The following CMTM4 variants were observed in gnomAD, a reference collection of about 807,000 sequenced individuals.
CMTM4 encodes CKLF-like MARVEL transmembrane domain-containing protein 4.
A neutral mutation model predicts 19.0 loss-of-function variants in CMTM4; 8 were observed. The observed-to-expected ratio is 0.42, with a 90% CI of 0.25 to 0.76. The LOEUF is 0.76. CMTM4 is among the 30% of genes least tolerant of loss of function. The pLI is 0.27. For missense variants in CMTM4, 228 were observed against 290.2 expected (o/e 0.79, Z 1.56); for synonymous variants, 106 against 121.1 (o/e 0.88, Z 0.82).
chr16:66,663,377 AC>A (rs2016533037), intron 1 of CMTM4, among the ~76,000 whole-genome samples: 1 of 151,970 alleles, frequency 6.6e-6, no homozygotes, highest in African/African-American at 2.4e-5. Context: ...ATGGTGGTAT[AC>A]CCCTGCAGTC....
intron 1 of CMTM4, among the ~76,000 whole-genome samples, chr16:66,641,812 C>T (rs2016101092): frequency 6.6e-6 from 1 of 152,170 alleles, no homozygotes; most frequent in African/African-American, 2.4e-5. Flanking sequence ...AAGAAAATAA[C>T]ATGTTATAAC....
chr16:66,696,370 G>T lies in CMTM4; in HGVS notation c.156C>A (p.Gly52=). The T allele has an allele frequency of 7.0e-7, 1 of 1,424,800 alleles. No homozygotes were observed. Among genetic ancestry groups the T allele is most frequent in the African/African-American group, 1.5e-5 (1 of 66,882 alleles). 88.3% of individuals were successfully genotyped at this position (1,424,800 alleles called of 1,614,324 possible). Residue 52 remains glycine, a synonymous_variant, in exon 1 of 4, where the codon GGC becomes GGA. Coordinates refer to ENST00000394106, the MANE Select transcript of CMTM4 (RefSeq NM_181521.3). This position sits in a 1 kb window ranked among gnomAD's most constrained non-coding sequence, Gnocchi z 4.3. ...GLRCDPDYLR[G]ALGRLKVAQV... ...GGGCGACCTTGAGGCGGCCGAGCGC[G>T]CCGCGCAGGTAGTCGGGGTCGCAGC...
intron 1 of CMTM4, among the ~76,000 whole-genome samples, chr16:66,672,664 C>A (rs1298243992): frequency 6.6e-6 from 1 of 151,934 alleles, no homozygotes; most frequent in Non-Finnish European, 1.5e-5. Flanking sequence ...TCTCTGATTG[C>A]AGTGGTGCGA....
At chr16:66,675,960 C>T (rs147217681) in intron 1 of CMTM4, among the ~76,000 whole-genome samples, 4,767 of 151,960 alleles carry the variant, frequency 0.031, 107 homozygotes, top group Non-Finnish European at 0.05. Context: ...CCAGTCTCCT[C>T]GTACTCTTCC....
chr16:66,625,444 A>G (rs1020488356), intron 2 of CMTM4, among the ~76,000 whole-genome samples: 2 of 151,954 alleles, frequency 1.3e-5, no homozygotes, highest in African/African-American at 2.4e-5. Flanking sequence ...CAAAAAAAAA[A>G]AAAAAGAAAA....
chr16:66,635,065 G>C (rs916785018), intron 2 of CMTM4, among the ~76,000 whole-genome samples: 4 of 152,222 alleles, frequency 2.6e-5, no homozygotes, highest in African/African-American at 7.2e-5. Context: ...TGCTGACCTT[G>C]ACCTTGACCC....
intron 1 of CMTM4, among the ~76,000 whole-genome samples, chr16:66,643,988 A>C (rs1001153490): frequency 3.9e-5 from 6 of 152,162 alleles, no homozygotes; most frequent in African/African-American, 7.2e-5. Context: ...TCCTGACCCC[A>C]GGTGATCCAC....
Position 66,622,139 on chromosome 16 carries a change from C to G in CMTM4, c.546G>C (p.Gln182His), listed in dbSNP as rs779811765. ...VQKWRVSVRQ[Q>H]STNDYIRART... is the part of the protein sequence containing the mutation. ...GGGCTCGGATGTAGTCATTGGTGCT[C>G]TGCTGGCGGACGCTGACTCTCCATT... The change falls in exon 4 of 4, where the codon CAG becomes CAC. Residue 182 changes from glutamine to histidine, a missense_variant. Physicochemically the swap from Gln to His is conservative, Grantham distance 24 (BLOSUM62 0). Around this residue, in one of 3 missense-constraint regions of CMTM4, gnomAD observed 200 missense variants for 226.6 expected, o/e 0.88. Coordinates refer to ENST00000394106, the MANE Select transcript of CMTM4 (RefSeq NM_181521.3). This position sits in a 1 kb window ranked among gnomAD's most constrained non-coding sequence, Gnocchi z 4.0. 1.2e-6 allele frequency: 2 copies of G among 1,612,768 alleles called. No individual in the cohort carries two copies. Among genetic ancestry groups the G allele is most frequent in the African/African-American group, 2.7e-5 (2 of 74,918 alleles).
At chr16:66,630,751 G>A (rs1475888397) in intron 2 of CMTM4, among the ~76,000 whole-genome samples, 6 of 151,690 alleles carry the variant, frequency 4.0e-5, no homozygotes, top group Non-Finnish European at 5.9e-5. Flanking sequence ...GCCTCTGCCC[G>A]GCCGCCCATC....
At chr16:66,613,538 T>C (rs370967832), downstream of CMTM4, 208 of 177,452 alleles carry the variant, frequency 1.2e-3, no homozygotes, top group Admixed American at 2.5e-3. Flanking sequence ...TAACGATTTA[T>C]ACTGTGTATC....
chr16:66,606,680 A>G, the CMTM4 span, among the ~76,000 whole-genome samples: 48 of 152,258 alleles, frequency 3.2e-4, no homozygotes, highest in African/African-American at 1.1e-3. Context: ...CCCAACACCC[A>G]CAGGGCCAAG....
At chr16:66,604,671 C>T in the CMTM4 span, 1 of 607,266 alleles carries the variant, frequency 1.6e-6, no homozygotes, top group Non-Finnish European at 2.3e-6. Context: ...CGGGGCGGGG[C>T]GTGGCGGCGG....
chr16:66,657,811 G>T (rs1167031614), intron 1 of CMTM4, among the ~76,000 whole-genome samples: 1 of 152,184 alleles, frequency 6.6e-6, no homozygotes, highest in Non-Finnish European at 1.5e-5. Flanking sequence ...AGAATCAAAA[G>T]AATCAGCATT....
chr16:66,669,182 T>G (rs1486718014), intron 1 of CMTM4, among the ~76,000 whole-genome samples: 1 of 152,172 alleles, frequency 6.6e-6, no homozygotes, highest in Non-Finnish European at 1.5e-5. Flanking sequence ...AAATACAACA[T>G]GAATGAATAT....
At chr16:66,624,858 A>G (rs1464422903) in intron 2 of CMTM4, among the ~76,000 whole-genome samples, 1 of 152,238 alleles carries the variant, frequency 6.6e-6, no homozygotes, top group Non-Finnish European at 1.5e-5. Flanking sequence ...CTCCTGGCTC[A>G]TGGAAAGCTC....
intron 1 of CMTM4, among the ~76,000 whole-genome samples, chr16:66,638,919 CAA>C (rs61482726): frequency 2.2e-5 from 3 of 139,512 alleles, no homozygotes; most frequent in South Asian, 2.3e-4. Context: ...GTTCTCACCA[CAA>C]AAAAAAAAAA....
intron 1 of CMTM4, among the ~76,000 whole-genome samples, chr16:66,652,634 G>A (rs2016332034): frequency 6.6e-6 from 1 of 152,098 alleles, no homozygotes; most frequent in Non-Finnish European, 1.5e-5. Context: ...AAATCCACAG[G>A]TTACCCATCA....
intron 1 of CMTM4, among the ~76,000 whole-genome samples, chr16:66,676,054 C>A (rs765180101): frequency 6.6e-6 from 1 of 152,116 alleles, no homozygotes; most frequent in African/African-American, 2.4e-5. Flanking sequence ...CACACTCTAA[C>A]GGGAATGTAG....
At chr16:66,631,819 G>A (rs2015877447) in intron 2 of CMTM4, among the ~76,000 whole-genome samples, 1 of 152,114 alleles carries the variant, frequency 6.6e-6, no homozygotes, top group African/African-American at 2.4e-5. Context: ...CCTCTGCGTA[G>A]GAAAACCAGA....
Sources: gnomAD v4.1 joint callset for allele counts (sites outside exome capture counted in the v4.1 genomes callset) on GRCh38, gnomAD v4.1.1 for gene constraint, gnomAD v4.1.1 regional missense constraint, Gnocchi (gnomAD v3.1) non-coding constraint, MANE v1.5 for transcripts, NCBI Gene and HGNC (gene_info 2026-07-23, HGNC 2026-07-21) for gene names.